ESR1: variants seen among roughly 807,000 people sequenced by gnomAD.
The protein encoded by ESR1 is estrogen receptor.
Under a neutral mutation model 52.7 loss-of-function variants are expected in ESR1, and 12 were observed. That is an observed-to-expected ratio of 0.23 (90% CI 0.15 to 0.37). ESR1 has a LOEUF of 0.37. Ranked by LOEUF, ESR1 falls within the 10% of genes least tolerant of loss-of-function variation. ESR1 has a pLI of 1.00. For missense variants in ESR1, 584 were observed against 779.7 expected (o/e 0.75, Z 2.99); for synonymous variants, 305 against 316.8 (o/e 0.96, Z 0.39).
chr6:151,674,591 G>A (rs1164141707), intron 1 of ESR1, among the ~76,000 whole-genome samples: 1 of 152,156 alleles, frequency 6.6e-6, no homozygotes, highest in East Asian at 1.9e-4. Context: ...CTAGATCCTT[G>A]AGGAATTGCC....
intron 3 of ESR1, among the ~76,000 whole-genome samples, chr6:151,923,038 C>A (rs2032004557): frequency 1.3e-5 from 2 of 152,094 alleles, no homozygotes; most frequent in Non-Finnish European, 2.9e-5. Context: ...TATTTAATTC[C>A]ACTATACTTC....
At chr6:152,091,615 A>G (rs565441463) in intron 6 of ESR1, among the ~76,000 whole-genome samples, 2 of 152,120 alleles carry the variant, frequency 1.3e-5, no homozygotes, top group South Asian at 2.1e-4. Flanking sequence ...AGGATGGAAC[A>G]TTGGCAGCCC....
At chr6:151,904,773 A>C (rs1299351338) in intron 3 of ESR1, among the ~76,000 whole-genome samples, 1 of 152,162 alleles carries the variant, frequency 6.6e-6, no homozygotes, top group Non-Finnish European at 1.5e-5. Flanking sequence ...TCCTTCCCCA[A>C]ATTCAATATT....
chr6:151,945,352 G>A (rs2035580159), intron 4 of ESR1, among the ~76,000 whole-genome samples: 1 of 152,186 alleles, frequency 6.6e-6, no homozygotes, highest in African/African-American at 2.4e-5. Context: ...GAAAGAGAAA[G>A]GCAATGGAAA....
intron 2 of ESR1, among the ~76,000 whole-genome samples, chr6:151,855,100 G>A (rs1787572692): frequency 6.6e-6 from 1 of 152,308 alleles, no homozygotes; most frequent in South Asian, 2.1e-4. Flanking sequence ...TTTTGGTGGA[G>A]ACGGGGTTTC....
intron 3 of ESR1, among the ~76,000 whole-genome samples, chr6:151,918,841 A>C (rs948868377): frequency 2.0e-5 from 3 of 152,240 alleles, no homozygotes; most frequent in African/African-American, 7.2e-5. Flanking sequence ...AAAGCTGTAA[A>C]TCACGTCACA....
At chr6:151,658,832 T>C (rs1267893040) in intron 1 of ESR1, among the ~76,000 whole-genome samples, 2 of 152,154 alleles carry the variant, frequency 1.3e-5, no homozygotes, top group African/African-American at 4.8e-5. Flanking sequence ...CTTGGAAGAT[T>C]CATATATCTA....
rs2128155658 is a variant in ESR1 at position 151,808,010 on chromosome 6, T to C, written c.98T>C (p.Ile33Thr). The C allele has an allele frequency of 1.2e-6, 2 of 1,613,710 alleles. No homozygotes were observed. Among genetic ancestry groups the C allele is most frequent in the Non-Finnish European group, 1.7e-6 (2 of 1,179,922 alleles). Reference protein sequence around the residue: ...LEPLNRPQLKIPLERPLGEVY... With the variant: ...LEPLNRPQLKTPLERPLGEVY... ...CCCCTGAACCGTCCGCAGCTCAAGA[T>C]CCCCCTGGAGCGGCCCCTGGGCGAG... Residue 33 changes from isoleucine (I) to threonine (T), a missense_variant, in exon 1 of 8, where the codon ATC becomes ACC. Physicochemically the swap from Ile to Thr is moderately conservative, Grantham distance 89. This residue lies in a region of ESR1 where 251 missense variants were observed against 246.1 expected (regional missense o/e 1.02). Coordinates refer to ENST00000206249, the MANE Select transcript of ESR1 (RefSeq NM_000125.4).
chr6:151,830,088 A>G (rs542359973), intron 1 of ESR1, among the ~76,000 whole-genome samples: 7 of 152,356 alleles, frequency 4.6e-5, no homozygotes, highest in Admixed American at 2.0e-4. Context: ...ATCACATTCA[A>G]AAGCAGGCCA....
intron 1 of ESR1, among the ~76,000 whole-genome samples, chr6:151,811,497 T>G (rs1359407180): frequency 6.6e-6 from 1 of 152,200 alleles, no homozygotes; most frequent in Non-Finnish European, 1.5e-5. Context: ...CCAAAAAACT[T>G]GGCAAATGTA....
At chr6:151,713,929 G>A (rs1014990961) in intron 2 of ESR1, among the ~76,000 whole-genome samples, 5 of 152,112 alleles carry the variant, frequency 3.3e-5, no homozygotes, top group South Asian at 2.1e-4. Context: ...TAATTGTGAT[G>A]TTAGGGTGTC....
chr6:152,122,999 T>C (rs939313779), intron 6 of ESR1, among the ~76,000 whole-genome samples: 16 of 152,262 alleles, frequency 1.1e-4, no homozygotes, highest in Non-Finnish European at 8.8e-5. Flanking sequence ...TCTACTAGCA[T>C]GAATTAAGTA....
At chr6:151,699,864 T>C (rs141714845) in intron 1 of ESR1, among the ~76,000 whole-genome samples, 2,458 of 152,176 alleles carry the variant, frequency 0.016, 27 homozygotes, top group Non-Finnish European at 0.024. Context: ...AAGTTGAGAA[T>C]TGAGCAATTA....
chr6:151,806,653 C>A (rs1777934359), upstream of ESR1, among the ~76,000 whole-genome samples: 1 of 150,644 alleles, frequency 6.6e-6, no homozygotes, highest in African/African-American at 2.4e-5. Flanking sequence ...ATATTTGATT[C>A]TGCATATCCT....
At chr6:152,050,542 C>T (rs762249205) in intron 5 of ESR1, among the ~76,000 whole-genome samples, 2 of 151,982 alleles carry the variant, frequency 1.3e-5, no homozygotes, top group African/African-American at 2.4e-5. Context: ...GACATTTTTG[C>T]GGGTTATCAT....
chr6:152,109,800 G>C (rs1307050895), intron 6 of ESR1, among the ~76,000 whole-genome samples: 1 of 152,212 alleles, frequency 6.6e-6, no homozygotes, highest in African/African-American at 2.4e-5. Flanking sequence ...CTTTCTAACA[G>C]AACTGCCTAT....
upstream of ESR1, among the ~76,000 whole-genome samples, chr6:151,689,282 T>G (rs1271054802): frequency 6.6e-6 from 1 of 152,212 alleles, no homozygotes; most frequent in East Asian, 1.9e-4. Flanking sequence ...TGTTATTCAA[T>G]AATCTACCTT....
In ESR1 at chr6:151,807,755, C is replaced by T. The variant is rs1483933157; in HGVS notation, c.-158C>T. The T allele has an allele frequency of 2.6e-6, 2 of 757,032 alleles. No homozygotes were observed. Among genetic ancestry groups the T allele is most frequent in the Non-Finnish European group, 2.2e-6 (1 of 445,958 alleles). The allele number at this position is 757,032 out of a possible 1,614,324, so 46.9% of individuals were successfully genotyped here. ...CGCCCGGCTTCACCGGACCCGCAGG[C>T]TCCCGGGGCAGGGCCGGGGCCAGAG... On this transcript the variant is annotated 5_prime_UTR_variant, in exon 1 of 8. Coordinates refer to ENST00000206249, the MANE Select transcript of ESR1 (RefSeq NM_000125.4).
chr6:151,700,607 A>G (rs376755734), intron 1 of ESR1, among the ~76,000 whole-genome samples: 2 of 151,652 alleles, frequency 1.3e-5, no homozygotes, highest in African/African-American at 4.8e-5. Context: ...ACTGGCCCCT[A>G]TAAATCTGTT....
Sources: gnomAD v4.1 joint callset for allele counts (sites outside exome capture counted in the v4.1 genomes callset) on GRCh38, gnomAD v4.1.1 for gene constraint, gnomAD v4.1.1 regional missense constraint, MANE v1.5 for transcripts, NCBI Gene and HGNC (gene_info 2026-07-23, HGNC 2026-07-21) for gene names.